Variants in TRAPPC2 observed in about 807,000 individuals in gnomAD.
TRAPPC2 encodes sedlin.
TRAPPC2 carries 4 observed loss-of-function variants against 10.0 expected under a neutral mutation model. That is an observed-to-expected ratio of 0.40 (90% CI 0.20 to 0.92). The LOEUF (loss-of-function observed/expected upper bound fraction) is 0.92, where lower values mean the gene tolerates loss of function less well. TRAPPC2 is among the 40% of genes least tolerant of loss of function. The probability of loss-of-function intolerance (pLI) is 0.35; values close to 1 mark genes in which losing one functional copy is unlikely to be tolerated. For missense variants in TRAPPC2, 52 were observed against 108.7 expected (o/e 0.48, Z 2.32); for synonymous variants, 36 against 37.3 (o/e 0.97, Z 0.12).
chrX:13,722,208 C>CAGAAAAAAAAAAAAAAAAAAAAAAA (rs1555898001), intron 2 of TRAPPC2: 5 of 36,116 alleles, frequency 1.4e-4, no homozygotes, highest in Non-Finnish European at 2.0e-4. Flanking sequence ...TAAGCAGCAG[C>CAGAAAAAAAAAAAAAAAAAAAAAAA]AAAAAAAAAA....
intron 3 of TRAPPC2, among the ~76,000 whole-genome samples, chrX:13,716,889 CAATT>C (rs775898504): frequency 4.7e-4 from 52 of 109,595 alleles, no homozygotes; most frequent in Non-Finnish European, 8.2e-4. Context: ...CAGAAACAGC[CAATT>C]AATAAATGAA....
chrX:13,717,850 T>C (rs1002429410), intron 3 of TRAPPC2, among the ~76,000 whole-genome samples: 3 of 112,112 alleles, frequency 2.7e-5, no homozygotes, highest in African/African-American at 9.7e-5. Context: ...TGTGGCCTTA[T>C]ATGGAAAGAG....
chrX:13,716,463 TATGTTCC>T (rs1327863860), intron 4 of TRAPPC2, 64 bp downstream of exon 4: 1 of 1,147,114 alleles, frequency 8.7e-7, no homozygotes, highest in Non-Finnish European at 1.2e-6. Context: ...GCCTGGCATC[TATGTTCC>T]ATGTTCTTCT....
chrX:13,729,738 G>T (rs1029233040), intron 2 of TRAPPC2, among the ~76,000 whole-genome samples: 4 of 110,951 alleles, frequency 3.6e-5, no homozygotes, highest in African/African-American at 1.3e-4. Context: ...GAGAAACCCC[G>T]TCTCTACTAA....
intron 2 of TRAPPC2, among the ~76,000 whole-genome samples, chrX:13,728,954 A>C (rs909339607): frequency 1.8e-5 from 2 of 111,820 alleles, no homozygotes; most frequent in African/African-American, 3.3e-5. Context: ...CTATACACCA[A>C]TAATAGACAG....
intron 5 of TRAPPC2, chrX:13,715,782 C>T: frequency 1.1e-6 from 1 of 900,770 alleles, no homozygotes; most frequent in Non-Finnish European, 1.4e-6. Context: ...TTTACCTTCA[C>T]AATCATCTAA....
intron 2 of TRAPPC2, 64 bp downstream of exon 2, chrX:13,733,980 G>T (rs2046744970): frequency 2.0e-6 from 1 of 507,817 alleles, no homozygotes; most frequent in Admixed American, 2.7e-5. Context: ...TTTCATTATC[G>T]CTTCTGAGAG....
chrX:13,730,877 T>C (rs758581933), intron 2 of TRAPPC2, among the ~76,000 whole-genome samples: 3 of 86,277 alleles, frequency 3.5e-5, no homozygotes, highest in African/African-American at 4.8e-5. Context: ...TGAGATCACT[T>C]GGACACAGGG....
rs192721122 is a variant in TRAPPC2, at chrX:13,722,562, A to G, written c.-19-2580T>C. On this transcript the variant is annotated intron_variant, in intron 2 of 5. Coordinates refer to ENST00000380579, the MANE Select transcript of TRAPPC2 (RefSeq NM_001011658.4). ...CTGCCAAGGAAAAACTGACAGGTGA[A>G]GTGGAAGAACTGAAAACCCTGGGAG... is the stretch of plus-strand genomic sequence containing the variant. 2.9e-3 allele frequency among the ~76,000 whole-genome samples: 321 copies of G among 111,847 alleles called. 1 individual carries two copies. Among genetic ancestry groups the G allele is most frequent in the Non-Finnish European group, 4.8e-3 (253 of 53,112 alleles).
At chrX:13,718,275 A>G (rs745747323) in intron 3 of TRAPPC2, among the ~76,000 whole-genome samples, 1 of 113,312 alleles carries the variant, frequency 8.8e-6, no homozygotes, top group Non-Finnish European at 1.9e-5. Context: ...AATCCCATGC[A>G]TAGTTAAAGC....
intron 2 of TRAPPC2, among the ~76,000 whole-genome samples, chrX:13,731,674 A>G (rs2046680769): frequency 9.0e-6 from 1 of 111,473 alleles, no homozygotes; most frequent in African/African-American, 3.3e-5. Context: ...AGCACTCATT[A>G]TTTGCTGAAT....
chrX:13,723,187 C>T (rs1238440059), intron 2 of TRAPPC2, among the ~76,000 whole-genome samples: 1 of 111,037 alleles, frequency 9.0e-6, no homozygotes, highest in Non-Finnish European at 1.9e-5. Context: ...GGCCACAGTA[C>T]TAGACAGCAC....
At chrX:13,718,430 G>C (rs2046340360) in intron 3 of TRAPPC2, among the ~76,000 whole-genome samples, 1 of 112,866 alleles carries the variant, frequency 8.9e-6, no homozygotes, top group Admixed American at 9.4e-5. Context: ...AACGCTTTAA[G>C]AAAGTGAGTG....
chrX:13,721,129 T>C (rs2046398445), intron 2 of TRAPPC2: 3 of 110,731 alleles, frequency 2.7e-5, no homozygotes, highest in African/African-American at 9.9e-5. Flanking sequence ...AATTGAAATC[T>C]AGATGAATGA....
At position 13,712,514 on chromosome X, in the gene TRAPPC2, A is replaced by C. The variant is rs2046231620; in HGVS notation, c.*1893T>G. 4 of 112,633 alleles carry C rather than the reference A, an allele frequency of 3.6e-5. No homozygotes were observed. In the South Asian group the frequency reaches 1.5e-3, roughly 41 times the overall value. 9.3% of individuals were successfully genotyped at this position (112,633 alleles called of 1,213,427 possible). On this transcript the variant is annotated 3_prime_UTR_variant, in exon 6 of 6. Transcript: ENST00000380579. ...AAAGACTGAATACAAATGTTAATGT[A>C]ATCCAAGCTTTTCTTTGACAACAAT...
At chrX:13,716,823 T>C (rs2146777626) in intron 3 of TRAPPC2, 145 bp from the exon 4 acceptor site, 2 of 561,619 alleles carry the variant, frequency 3.6e-6, no homozygotes, top group Non-Finnish European at 5.7e-6. Context: ...ATGAGACTTA[T>C]AAAAGATCTG....
Position 13,714,235 on chromosome X carries a change from G to C in TRAPPC2, c.*172C>G. On this transcript the variant is annotated 3_prime_UTR_variant, in exon 6 of 6. Transcript: ENST00000380579. ...GAAATACCAATTGATCTATTGATACGTGACATGAGACAGAATGTACTATTT... is the reference window on the plus strand; with the variant it reads ...GAAATACCAATTGATCTATTGATACCTGACATGAGACAGAATGTACTATTT... The C allele has an allele frequency of 6.6e-6, 2 of 301,103 alleles. No homozygotes were observed. Among genetic ancestry groups the C allele is most frequent in the Non-Finnish European group, 1.2e-5 (2 of 167,066 alleles). The allele number at this position is 301,103 out of a possible 1,213,427, so 24.8% of individuals were successfully genotyped here.
chrX:13,728,967 A>G (rs1302754994), intron 2 of TRAPPC2, among the ~76,000 whole-genome samples: 2 of 111,983 alleles, frequency 1.8e-5, no homozygotes, highest in Admixed American at 1.9e-4. Flanking sequence ...ATAGACAGAG[A>G]GCCAAAGCAT....
At chrX:13,720,091 G>A (rs1172266155) in intron 2 of TRAPPC2, 109 bp from the exon 3 acceptor site, 2 of 543,837 alleles carry the variant, frequency 3.7e-6, no homozygotes, top group Non-Finnish European at 5.4e-6. Flanking sequence ...ACATTGTAGA[G>A]GAAGATGCTA....
Sources: allele counts gnomAD v4.1 joint callset (sites outside exome capture counted in the v4.1 genomes callset), GRCh38; gene constraint gnomAD v4.1.1; transcripts MANE v1.5; gene names NCBI Gene and HGNC (gene_info 2026-07-23, HGNC 2026-07-21).